Variants in TIMMDC1 observed in about 807,000 individuals in gnomAD.
TIMMDC1 encodes the protein complex I assembly factor TIMMDC1, mitochondrial.
A neutral mutation model predicts 32.6 loss-of-function variants in TIMMDC1; 25 were observed. The ratio of observed to expected loss-of-function variants is 0.77; its 90% CI spans 0.56 to 1.07. The LOEUF is 1.07. Ranked by LOEUF, TIMMDC1 falls within the 50% of genes least tolerant of loss-of-function variation. TIMMDC1 has a pLI of 0.00. For synonymous variants in TIMMDC1, 130 were observed against 127.6 expected, an observed-to-expected ratio of 1.02 and a Z score of -0.13; for missense variants, 329 against 349.2, an observed-to-expected ratio of 0.94 and a Z score of 0.46.
At chr3:119,518,499 A>AGCTG (rs2082000785) in intron 6 of TIMMDC1, among the ~76,000 whole-genome samples, 1 of 151,468 alleles carries the variant, frequency 6.6e-6, no homozygotes, top group South Asian at 2.1e-4. Context: ...GGTTGCAGTG[A>AGCTG]GCTGAGATTG....
chr3:119,513,742 T>G (rs2081968948), intron 5 of TIMMDC1, 23 bp downstream of exon 5: 1 of 1,527,634 alleles, frequency 6.5e-7, no homozygotes, highest in Non-Finnish European at 8.8e-7. Flanking sequence ...ATGGTTTGGT[T>G]CTAAATTGGC....
chr3:119,513,670 G>A lies in TIMMDC1; in HGVS notation c.547G>A (p.Val183Ile), dbSNP rs146874731. 115 of 1,612,028 alleles carry A rather than the reference G, an allele frequency of 7.1e-5. No individual in the cohort carries two copies. Among genetic ancestry groups the A allele is most frequent in the African/African-American group, 5.6e-4 (42 of 74,848 alleles). Residue 183 changes from valine to isoleucine, a missense_variant, in exon 5 of 7, where the codon GTA becomes ATA. Coordinates refer to ENST00000494664, the MANE Select transcript of TIMMDC1 (RefSeq NM_016589.4). ...CACGGGAAGTCTTTTTAGGATAAAC[G>A]TAGGCCTGCGTGGCCTGGTGGCTGG... is the stretch of plus-strand genomic sequence containing the variant. The part of the protein sequence containing the change: ...AVTGSLFRIN[V>I]GLRGLVAGGI...
At chr3:119,509,184 C>G (rs986997644) in intron 4 of TIMMDC1, among the ~76,000 whole-genome samples, 1 of 146,976 alleles carries the variant, frequency 6.8e-6, no homozygotes, top group African/African-American at 2.4e-5. Flanking sequence ...CCAGCCTGGG[C>G]TACAGAGTGA....
In TIMMDC1 at chr3:119,498,695, C is replaced by T. The variant is rs746183392; in HGVS notation, c.-39C>T. ...CGGCACGTCCGCGAGGACTTGAAGTCCTGAGCGCTCAAGTTTGTCCGTAGG... is the reference window on the plus strand; with the variant it reads ...CGGCACGTCCGCGAGGACTTGAAGTTCTGAGCGCTCAAGTTTGTCCGTAGG... On this transcript the variant is annotated 5_prime_UTR_variant, in exon 1 of 7. Coordinates refer to ENST00000494664, the MANE Select transcript of TIMMDC1 (RefSeq NM_016589.4). 5.6e-6 allele frequency: 9 copies of T among 1,604,044 alleles called. No individual in the cohort carries two copies. The Admixed American group carries it at 8.4e-5, about 15-fold the overall frequency.
Position 119,524,198 on chromosome 3 carries a change from T to C in TIMMDC1, c.*442T>C, listed in dbSNP as rs560364813. On this transcript the variant is annotated 3_prime_UTR_variant, in exon 7 of 7. Coordinates refer to ENST00000494664, the MANE Select transcript of TIMMDC1 (RefSeq NM_016589.4). The stretch of plus-strand genomic sequence containing the variant: ...CCTTGGGTCCTGGAAGCAGTGTGAG[T>C]GTAAATGTGTAGTGTTTGGTTTCAT... 1 of 152,850 alleles carries C rather than the reference T, an allele frequency of 6.5e-6. No homozygotes were observed. The highest frequency in any genetic ancestry group is 1.9e-4 in the East Asian group (1 of 5,204). 9.5% of individuals were successfully genotyped at this position (152,850 alleles called of 1,614,324 possible). A position where few individuals can be genotyped will look rare whatever the true frequency, so the allele number is the denominator to read the frequency against.
chr3:119,513,701 T>C lies in TIMMDC1; in HGVS notation c.578T>C (p.Ile193Thr), dbSNP rs368184254. 2.1e-5 allele frequency: 34 copies of C among 1,608,658 alleles called. No individual in the cohort carries two copies. The East Asian group carries it at 3.2e-4, about 15-fold the overall frequency. ...VGLRGLVAGG[I>T]IGALLGTPVG... ...CTGCGTGGCCTGGTGGCTGGTGGCA[T>C]AATTGGAGCCTTGCTGGGGTAAGCA... Residue 193 changes from isoleucine (I) to threonine (T), a missense_variant, in exon 5 of 7, where the codon ATA becomes ACA. Physicochemically the swap from Ile to Thr is moderately conservative, Grantham distance 89. Coordinates refer to ENST00000494664, the MANE Select transcript of TIMMDC1 (RefSeq NM_016589.4).
rs778122994 is a variant in TIMMDC1 at position 119,523,798 on chromosome 3, C to G, written c.*42C>G. 8 of 1,500,158 alleles carry G rather than the reference C, an allele frequency of 5.3e-6. No individual in the cohort carries two copies. In the Admixed American group the frequency reaches 6.8e-5, roughly 13 times the overall value. The allele number at this position is 1,500,158 out of a possible 1,614,324, so 92.9% of individuals were successfully genotyped here. A position where few individuals can be genotyped will look rare whatever the true frequency, so the allele number is the denominator to read the frequency against. On this transcript the variant is annotated 3_prime_UTR_variant, in exon 7 of 7. Coordinates refer to ENST00000494664, the MANE Select transcript of TIMMDC1 (RefSeq NM_016589.4). ...AAACTCACTGGAGAGCTGAAGGGAGCTGCCATGTCCGATGAATGCCAACAG... is the reference window on the plus strand; with the variant it reads ...AAACTCACTGGAGAGCTGAAGGGAGGTGCCATGTCCGATGAATGCCAACAG...
At chr3:119,517,419 A>G in intron 6 of TIMMDC1, 104 bp downstream of exon 6, 1 of 692,000 alleles carries the variant, frequency 1.4e-6, no homozygotes, top group Non-Finnish European at 2.6e-6. Flanking sequence ...CTCAATTCAA[A>G]GAAGAGTTTA....
At position 119,498,909 on chromosome 3, in the gene TIMMDC1, G is replaced by A. The variant is rs142917333; in HGVS notation, c.176G>A (p.Arg59Gln). 5.2e-4 allele frequency: 836 copies of A among 1,614,008 alleles called. No individual in the cohort carries two copies. Among genetic ancestry groups the A allele is most frequent in the Non-Finnish European group, 6.6e-4 (781 of 1,180,022 alleles). The stretch of plus-strand genomic sequence containing the variant: ...CCGGAATCTGGATGGGACCGCCTCC[G>A]GGAGCTGTTTGGCAAAGAGTAAAAG... ...YYPESGWDRL[R>Q]ELFGKDEQQR... The change falls in exon 1 of 7, where the codon CGG (arginine) becomes CAG (glutamine). Residue 59 changes from arginine to glutamine, a missense_variant. Physicochemically the swap from Arg to Gln is conservative, Grantham distance 43 (BLOSUM62 1). Transcript: ENST00000494664.
At chr3:119,518,282 T>C (rs2081998893) in intron 6 of TIMMDC1, among the ~76,000 whole-genome samples, 1 of 152,168 alleles carries the variant, frequency 6.6e-6, no homozygotes, top group East Asian at 1.9e-4. Flanking sequence ...TTCACCTTCC[T>C]GGGTACCTAA....
chr3:119,519,117 G>GAT (rs2082006371), intron 6 of TIMMDC1, among the ~76,000 whole-genome samples: 1 of 84,056 alleles, frequency 1.2e-5, no homozygotes, highest in Non-Finnish European at 2.5e-5. Context: ...TGGTAGAGCA[G>GAT]ATACAGAAAG....
chr3:119,501,853 A>C (rs1280305752), intron 2 of TIMMDC1, among the ~76,000 whole-genome samples: 1 of 152,074 alleles, frequency 6.6e-6, no homozygotes, highest in Non-Finnish European at 1.5e-5. Flanking sequence ...TTTATTTTGT[A>C]GAATGTCCCT....
At position 119,517,187 on chromosome 3, in the gene TIMMDC1, CCT is replaced by C; in HGVS notation, c.597-14_597-13del. On this transcript the variant is annotated splice_polypyrimidine_tract_variant and intron_variant, in intron 5 of 6. Transcript: ENST00000494664. ...AATGACTCGTTTTTCCTAAGCTTTC[CCT>C]CTCCTTTCTTCTCAGCACTCCTGTA... 1 of 1,547,264 alleles carries C rather than the reference CCT, an allele frequency of 6.5e-7. No individual in the cohort carries two copies. Among genetic ancestry groups the C allele is most frequent in the Non-Finnish European group, 8.9e-7 (1 of 1,120,760 alleles).
chr3:119,517,347 G>A, intron 6 of TIMMDC1, 32 bp downstream of exon 6: 1 of 1,457,262 alleles, frequency 6.9e-7, no homozygotes, highest in Non-Finnish European at 9.6e-7. Flanking sequence ...GGGAATCTTG[G>A]CTCTCTTGCC....
chr3:119,519,535 A>G (rs980369201), intron 6 of TIMMDC1, among the ~76,000 whole-genome samples: 2 of 152,160 alleles, frequency 1.3e-5, no homozygotes, highest in African/African-American at 4.8e-5. Flanking sequence ...TGGTAAAGAG[A>G]TCAATTCAGC....
Position 119,513,563 on chromosome 3 carries a change from T to G in TIMMDC1, c.518-78T>G, listed in dbSNP as rs1414524948. 4 of 1,133,552 alleles carry G rather than the reference T, an allele frequency of 3.5e-6. No individual in the cohort carries two copies. The East Asian group carries it at 7.3e-5, about 21-fold the overall frequency. 70.2% of individuals were successfully genotyped at this position (1,133,552 alleles called of 1,614,324 possible). A position where few individuals can be genotyped will look rare whatever the true frequency, so the allele number is the denominator to read the frequency against. ...TCAGAAAGCTCACTTAGGGATTTCC[T>G]TTTTGTAGAAGGAAAGTTTTAAAAT... On this transcript the variant is annotated intron_variant, in intron 4 of 6. Coordinates refer to ENST00000494664, the MANE Select transcript of TIMMDC1 (RefSeq NM_016589.4).
At chr3:119,508,277 T>G (rs2081930789) in intron 4 of TIMMDC1, among the ~76,000 whole-genome samples, 1 of 152,122 alleles carries the variant, frequency 6.6e-6, no homozygotes, top group Non-Finnish European at 1.5e-5. Context: ...AATTTATCAT[T>G]TATAGTCAAG....
chr3:119,523,825 C>A lies in TIMMDC1; in HGVS notation c.*69C>A. On this transcript the variant is annotated 3_prime_UTR_variant, in exon 7 of 7. Coordinates refer to ENST00000494664, the MANE Select transcript of TIMMDC1 (RefSeq NM_016589.4). ...GCCATGTCCGATGAATGCCAACAGA[C>A]AGGCCACTCTTTGGTCAGCCTGCTG... 7.1e-7 allele frequency: 1 copy of A among 1,415,844 alleles called. No individual in the cohort carries two copies. The highest frequency in any genetic ancestry group is 1.7e-5 in the South Asian group (1 of 60,284). The allele number at this position is 1,415,844 out of a possible 1,614,324, so 87.7% of individuals were successfully genotyped here.
At chr3:119,503,493 T>A (rs1281092424) in intron 2 of TIMMDC1, 39 bp from the exon 3 acceptor site, 2 of 1,492,652 alleles carry the variant, frequency 1.3e-6, no homozygotes, top group South Asian at 2.5e-5. Flanking sequence ...GAAAATATGA[T>A]GGTGTCTTAG....
Sources: allele counts gnomAD v4.1 joint callset (sites outside exome capture counted in the v4.1 genomes callset), GRCh38; gene constraint gnomAD v4.1.1; transcripts MANE v1.5; gene names NCBI Gene and HGNC (gene_info 2026-07-23, HGNC 2026-07-21).